ADAMTS3: variants seen among roughly 807,000 people sequenced by gnomAD.
ADAMTS3 encodes A disintegrin and metalloproteinase with thrombospondin motifs 3.
A neutral mutation model predicts 129.0 loss-of-function variants in ADAMTS3; 73 were observed. The ratio of observed to expected loss-of-function variants is 0.57; its 90% CI spans 0.47 to 0.69. The LOEUF (loss-of-function observed/expected upper bound fraction) is 0.69. ADAMTS3 is among the 30% of genes least tolerant of loss of function. ADAMTS3 has a pLI of 0.00. For synonymous variants in ADAMTS3, 477 were observed against 510.8 expected (o/e 0.93, Z 0.89); for missense variants, 1,457 against 1,514.5 (o/e 0.96, Z 0.63).
chr4:72,311,596 C>T (rs1719237242), intron 13 of ADAMTS3, among the ~76,000 whole-genome samples: 2 of 152,140 alleles, frequency 1.3e-5, no homozygotes, highest in South Asian at 2.1e-4. Context: ...CAGGATGCAA[C>T]TCACTTCACC....
At chr4:72,431,651 G>A (rs1276981123) in intron 3 of ADAMTS3, among the ~76,000 whole-genome samples, 2 of 151,978 alleles carry the variant, frequency 1.3e-5, no homozygotes, top group Non-Finnish European at 2.9e-5. Flanking sequence ...TACTCATTGT[G>A]CACATGCAAA....
chr4:72,295,924 T>C (rs1578558865), intron 18 of ADAMTS3, 138 bp from the exon 19 acceptor site: 1 of 1,049,632 alleles, frequency 9.5e-7, no homozygotes, highest in South Asian at 1.7e-5. Context: ...GGCACTTCAA[T>C]AGGTGCTGAA....
intron 19 of ADAMTS3, among the ~76,000 whole-genome samples, chr4:72,293,101 A>G (rs1718718386): frequency 6.6e-6 from 1 of 152,220 alleles, no homozygotes; most frequent in Admixed American, 6.5e-5. Context: ...AGATGGACAT[A>G]TGGAAACTAA....
At chr4:72,480,743 A>G (rs896339982) in intron 3 of ADAMTS3, among the ~76,000 whole-genome samples, 1 of 150,878 alleles carries the variant, frequency 6.6e-6, no homozygotes, top group Non-Finnish European at 1.5e-5. Flanking sequence ...GAGGAAATAA[A>G]AGGCATGTAT....
At chr4:72,417,532 T>C (rs948875362) in intron 3 of ADAMTS3, among the ~76,000 whole-genome samples, 1 of 152,158 alleles carries the variant, frequency 6.6e-6, no homozygotes, top group Non-Finnish European at 1.5e-5. Context: ...TCAGTATTAG[T>C]GACAAGGCAA....
chr4:72,385,186 AAAAAG>A (rs1408149409), intron 4 of ADAMTS3, among the ~76,000 whole-genome samples: 1 of 151,948 alleles, frequency 6.6e-6, no homozygotes, highest in Non-Finnish European at 1.5e-5. Context: ...TCTCAAAAAA[AAAAAG>A]AAAAGAAAAG....
chr4:72,288,214 C>T (rs1439374678), intron 21 of ADAMTS3, among the ~76,000 whole-genome samples: 1 of 152,168 alleles, frequency 6.6e-6, no homozygotes, highest in African/African-American at 2.4e-5. Flanking sequence ...AGAAAATATA[C>T]TCTGCTTTTG....
At chr4:72,467,803 T>C (rs1296628071) in intron 3 of ADAMTS3, among the ~76,000 whole-genome samples, 2 of 152,078 alleles carry the variant, frequency 1.3e-5, no homozygotes, top group East Asian at 3.9e-4. Flanking sequence ...AATCTTTTGC[T>C]AACTTGTATA....
At chr4:72,364,440 C>T (rs1720815281) in intron 4 of ADAMTS3, among the ~76,000 whole-genome samples, 1 of 151,846 alleles carries the variant, frequency 6.6e-6, no homozygotes, top group Non-Finnish European at 1.5e-5. Flanking sequence ...CATGGAGAAA[C>T]CCTGTCTCTA....
chr4:72,337,902 T>C (rs1230712700), intron 5 of ADAMTS3, among the ~76,000 whole-genome samples: 1 of 152,160 alleles, frequency 6.6e-6, no homozygotes, highest in Non-Finnish European at 1.5e-5. Context: ...AAAAGCCTTC[T>C]TATTAGGCAC....
rs375257044 is a variant in ADAMTS3 at position 72,455,099 on chromosome 4, T to TA, written c.505-40129dup. Among the ~76,000 whole-genome samples, 23 of 151,728 alleles carry TA rather than the reference T, an allele frequency of 1.5e-4. No homozygotes were observed. The South Asian group carries it at 1.9e-3, about 12-fold the overall frequency. On this transcript the variant is annotated intron_variant, in intron 3 of 21. Coordinates refer to ENST00000286657, the MANE Select transcript of ADAMTS3 (RefSeq NM_014243.3). ...TTTTATGCATCTCAATTATCAATAA[T>TA]AAAAATCAAAATCTGAACAATGATA...
At chr4:72,514,165 G>A (rs943857329) in intron 3 of ADAMTS3, among the ~76,000 whole-genome samples, 3 of 151,878 alleles carry the variant, frequency 2.0e-5, no homozygotes, top group African/African-American at 7.3e-5. Context: ...TTGTCACCAG[G>A]CCTTACCCAT....
chr4:72,320,890 T>G lies in ADAMTS3; in HGVS notation c.946-20A>C. The G allele has an allele frequency of 3.1e-6, 5 of 1,605,638 alleles. No individual in the cohort carries two copies. Among genetic ancestry groups the G allele is most frequent in the Non-Finnish European group, 4.3e-6 (5 of 1,176,400 alleles). On this transcript the variant is annotated intron_variant, in intron 6 of 21. Coordinates refer to ENST00000286657, the MANE Select transcript of ADAMTS3 (RefSeq NM_014243.3). ...GATGGACTAAGTGAAAACAATATGT[T>G]AAAGACACACCTGACAATTTCCCAA...
At chr4:72,298,118 T>C in intron 18 of ADAMTS3, 159 bp downstream of exon 18, 1 of 558,096 alleles carries the variant, frequency 1.8e-6, no homozygotes, top group African/African-American at 1.9e-5. Context: ...GATTTGGTGA[T>C]TCTGAGATTT....
chr4:72,555,291 A>G (rs2176552), intron 2 of ADAMTS3, among the ~76,000 whole-genome samples: 141,565 of 149,876 alleles, frequency 0.94, 67,134 homozygotes, highest in East Asian at 1. Flanking sequence ...ATCATCTCTC[A>G]TATTAGCCTA....
Position 72,282,882 on chromosome 4 carries a change from A to G in ADAMTS3, c.*254T>C, listed in dbSNP as rs562717150. Reference sequence around the variant, plus strand: ...TCTGCTTCAGAGAGCGACCAACACAATCTTAGCAACATATTTTTCTTTTGT... The same window carrying G: ...TCTGCTTCAGAGAGCGACCAACACAGTCTTAGCAACATATTTTTCTTTTGT... On this transcript the variant is annotated 3_prime_UTR_variant, in exon 22 of 22. Transcript: ENST00000286657. 74 of 327,414 alleles carry G rather than the reference A, an allele frequency of 2.3e-4. No homozygotes were observed. The highest frequency in any genetic ancestry group is 3.9e-4 in the Non-Finnish European group (70 of 178,690). 20.3% of individuals were successfully genotyped at this position (327,414 alleles called of 1,614,324 possible).
chr4:72,436,681 A>G (rs544048124), intron 3 of ADAMTS3, among the ~76,000 whole-genome samples: 76 of 152,268 alleles, frequency 5.0e-4, no homozygotes, highest in African/African-American at 1.7e-3. Context: ...CAGCCATAAA[A>G]AAGGATGAGT....
At chr4:72,285,031 G>T (rs921217189) in intron 21 of ADAMTS3, among the ~76,000 whole-genome samples, 2 of 152,284 alleles carry the variant, frequency 1.3e-5, no homozygotes, top group South Asian at 4.1e-4. Flanking sequence ...TTATGTAATA[G>T]AATCACTTAA....
intron 4 of ADAMTS3, among the ~76,000 whole-genome samples, chr4:72,404,116 T>G (rs1299228991): frequency 1.3e-5 from 2 of 152,126 alleles, no homozygotes; most frequent in Non-Finnish European, 2.9e-5. Context: ...ACAGATTCTA[T>G]GCAATCCCTA....
Sources: gnomAD v4.1 joint callset for allele counts (sites outside exome capture counted in the v4.1 genomes callset) on GRCh38, gnomAD v4.1.1 for gene constraint, MANE v1.5 for transcripts, NCBI Gene and HGNC (gene_info 2026-07-23, HGNC 2026-07-21) for gene names.